Variants in GPC3 observed in about 807,000 individuals in gnomAD.
The protein encoded by GPC3 is glypican 3, also known as glypican-3.
In GPC3, 3 loss-of-function variants were observed where a neutral mutation model predicts 34.4. The ratio of observed to expected loss-of-function variants is 0.09; its 90% confidence interval spans 0.04 to 0.23. The LOEUF is 0.23. GPC3 is among the 10% of genes least tolerant of loss of function. GPC3 has a pLI of 1.00. For missense variants in GPC3, 351 were observed against 445.6 expected (o/e 0.79, Z 1.91); for synonymous variants, 177 against 174.0 (o/e 1.02, Z -0.13).
intron 2 of GPC3, among the ~76,000 whole-genome samples, chrX:133,901,594 C>T (rs5933354): frequency 0.015 from 1,692 of 110,742 alleles, 34 homozygotes; most frequent in African/African-American, 0.053. Context: ...GCCCGCACCA[C>T]CACACCCAGT....
intron 2 of GPC3, among the ~76,000 whole-genome samples, chrX:133,916,144 C>CAA (rs774691093): frequency 1.3e-4 from 4 of 31,054 alleles, no homozygotes; most frequent in African/African-American, 3.5e-4. Flanking sequence ...GACTCTGTCT[C>CAA]AAAAAAAAAA....
At chrX:133,598,161 CT>C (rs975064141) in intron 6 of GPC3, among the ~76,000 whole-genome samples, 2 of 109,906 alleles carry the variant, frequency 1.8e-5, no homozygotes, top group Non-Finnish European at 1.9e-5. Context: ...ATAAACATTT[CT>C]TTTTTTTTGA....
intron 3 of GPC3, among the ~76,000 whole-genome samples, chrX:133,719,654 G>A (rs2124453666): frequency 9.0e-6 from 1 of 111,190 alleles, no homozygotes; most frequent in Admixed American, 9.5e-5. Context: ...ATAAAAAAAA[G>A]GAAATTTATG....
intron 7 of GPC3, among the ~76,000 whole-genome samples, chrX:133,586,989 T>C (rs763264788): frequency 9.0e-6 from 1 of 111,654 alleles, no homozygotes; most frequent in Non-Finnish European, 1.9e-5. Flanking sequence ...CTTCTGGCTA[T>C]TTGAAACTAT....
At chrX:133,984,056 G>A (rs901713749) in intron 1 of GPC3, among the ~76,000 whole-genome samples, 28 of 112,984 alleles carry the variant, frequency 2.5e-4, no homozygotes, top group African/African-American at 8.7e-4. Context: ...GGCTGGCAGC[G>A]CCCACGGGGT....
chrX:133,905,311 CTCTA>C (rs1036388499), intron 2 of GPC3, among the ~76,000 whole-genome samples: 2 of 112,386 alleles, frequency 1.8e-5, no homozygotes, highest in African/African-American at 6.5e-5. Context: ...ATTATTCTAT[CTCTA>C]TCTATATGGA....
Position 133,736,484 on chromosome X carries a change from T to C in GPC3, c.1032+16998A>G, listed in dbSNP as rs757288034. ...GAAGTGGAAGAAACCCAAATGTCCATCAACTGATAATAGACAAACAAAATG... is the reference window on the plus strand; with the variant it reads ...GAAGTGGAAGAAACCCAAATGTCCACCAACTGATAATAGACAAACAAAATG... On this transcript the variant is annotated intron_variant, in intron 3 of 7. Coordinates refer to ENST00000370818, the MANE Select transcript of GPC3 (RefSeq NM_004484.4). 8.0e-5 allele frequency among the ~76,000 whole-genome samples: 9 copies of C among 111,994 alleles called. No individual in the cohort carries two copies. In the East Asian group the frequency reaches 2.5e-3, roughly 31 times the overall value.
chrX:133,819,148 C>A, intron 2 of GPC3, among the ~76,000 whole-genome samples: 1 of 62,982 alleles, frequency 1.6e-5, no homozygotes, highest in Non-Finnish European at 2.9e-5. Flanking sequence ...CCCCCCTCCC[C>A]CCACCCCACA....
At chrX:133,951,120 GGAGA>G (rs1322455809) in intron 2 of GPC3, among the ~76,000 whole-genome samples, 1 of 97,059 alleles carries the variant, frequency 1.0e-5, no homozygotes, top group Non-Finnish European at 2.1e-5. Flanking sequence ...AGAGAGAAAG[GGAGA>G]GAGAGATACA....
chrX:133,640,527 TG>T (rs1171992056), intron 6 of GPC3, among the ~76,000 whole-genome samples: 1 of 112,588 alleles, frequency 8.9e-6, no homozygotes, highest in African/African-American at 3.2e-5. Context: ...CACGCCGCTC[TG>T]GCAGCCTCTG....
chrX:133,931,820 A>G (rs1216927763), intron 2 of GPC3, among the ~76,000 whole-genome samples: 2 of 111,584 alleles, frequency 1.8e-5, no homozygotes, highest in Non-Finnish European at 3.8e-5. Flanking sequence ...TTCATAGCAG[A>G]GCCATGAATA....
At chrX:133,718,242 C>A (rs999946919) in intron 3 of GPC3, among the ~76,000 whole-genome samples, 1 of 111,745 alleles carries the variant, frequency 8.9e-6, no homozygotes, top group Non-Finnish European at 1.9e-5. Context: ...CTGTGTTGAT[C>A]GGAATACAAT....
At chrX:133,897,142 A>G (rs113927820) in intron 2 of GPC3, among the ~76,000 whole-genome samples, 4,987 of 106,364 alleles carry the variant, frequency 0.047, 307 homozygotes, top group African/African-American at 0.16. Flanking sequence ...TCCGGACCTC[A>G]TGATCCGCCC....
chrX:133,853,488 C>G (rs1427170651), intron 2 of GPC3, among the ~76,000 whole-genome samples: 2 of 112,183 alleles, frequency 1.8e-5, no homozygotes, highest in East Asian at 5.6e-4. Flanking sequence ...TTACTATATA[C>G]TTGGCAAATT....
intron 5 of GPC3, among the ~76,000 whole-genome samples, chrX:133,672,923 T>C (rs1434864846): frequency 9.4e-6 from 1 of 106,095 alleles, no homozygotes; most frequent in Non-Finnish European, 1.9e-5. Context: ...GTGCTAGGAT[T>C]ATAGGCGTGA....
At chrX:133,772,529 T>C (rs931004988) in intron 2 of GPC3, among the ~76,000 whole-genome samples, 23 of 111,839 alleles carry the variant, frequency 2.1e-4, no homozygotes, top group Non-Finnish European at 4.1e-4. Context: ...AAAAATGTTA[T>C]ATGCTCCTTA....
chrX:133,844,061 T>G (rs1378595634), intron 2 of GPC3, among the ~76,000 whole-genome samples: 1 of 111,508 alleles, frequency 9.0e-6, no homozygotes, highest in Non-Finnish European at 1.9e-5. Context: ...AAAATAAACC[T>G]GTGAGGAAGG....
intron 3 of GPC3, among the ~76,000 whole-genome samples, chrX:133,711,166 A>G (rs2071263436): frequency 8.9e-6 from 1 of 112,131 alleles, no homozygotes; most frequent in South Asian, 3.7e-4. Flanking sequence ...ATTGTCTCTT[A>G]TAAATAACCA....
At chrX:133,750,004 G>A (rs1000544515) in intron 3 of GPC3, among the ~76,000 whole-genome samples, 4 of 111,274 alleles carry the variant, frequency 3.6e-5, no homozygotes, top group African/African-American at 1.3e-4. Flanking sequence ...ACTTAGAGTT[G>A]GTGATCATAA....
Sources: allele counts gnomAD v4.1 joint callset (sites outside exome capture counted in the v4.1 genomes callset), GRCh38; gene constraint gnomAD v4.1.1; transcripts MANE v1.5; gene names NCBI Gene and HGNC (gene_info 2026-07-23, HGNC 2026-07-21).